SUCLG2: variants seen among roughly 807,000 people sequenced by gnomAD.
The protein encoded by SUCLG2 is succinate-CoA ligase GDP-forming subunit beta, also known as succinate--CoA ligase [GDP-forming] subunit beta, mitochondrial.
SUCLG2 carries 42 observed loss-of-function variants against 47.9 expected under a neutral mutation model. That is an observed-to-expected ratio of 0.88 (90% confidence interval 0.69 to 1.14). SUCLG2 has a LOEUF of 1.14. Among genes scored for constraint, SUCLG2 ranks in the 50% most tolerant of loss-of-function variants. The pLI is 0.00. For missense variants in SUCLG2, 571 were observed against 525.9 expected, an observed-to-expected ratio of 1.09 and a Z score of -0.84; for synonymous variants, 195 against 197.3, an observed-to-expected ratio of 0.99 and a Z score of 0.10.
chr3:67,532,385 C>T (rs1706426972), intron 2 of SUCLG2, among the ~76,000 whole-genome samples: 1 of 152,136 alleles, frequency 6.6e-6, no homozygotes, highest in African/African-American at 2.4e-5. Flanking sequence ...ATCTGCCCAC[C>T]TCAGCCTCCC....
chr3:67,397,992 T>G (rs1423951452), intron 10 of SUCLG2, among the ~76,000 whole-genome samples: 2 of 150,382 alleles, frequency 1.3e-5, no homozygotes, highest in Non-Finnish European at 3.0e-5. Context: ...ACTGGATCCC[T>G]TCCTTACACC....
Position 67,588,217 on chromosome 3 carries a change from A to G in SUCLG2, c.226+21238T>C, listed in dbSNP as rs149514641. Among the ~76,000 whole-genome samples, 1,056 of 152,330 alleles carry G rather than the reference A, an allele frequency of 6.9e-3. 5 individuals carry two copies. Among genetic ancestry groups the G allele is most frequent in the African/African-American group, 0.024 (1,004 of 41,564 alleles). ...ATAGTAAAATGAAAATCATTATAAT[A>G]AATAAGAACTAAAATTGGTCTTTGT... On this transcript the variant is annotated intron_variant, in intron 2 of 10. Coordinates refer to ENST00000307227, the MANE Select transcript of SUCLG2 (RefSeq NM_003848.4).
chr3:67,521,096 G>C (rs1168401535), intron 4 of SUCLG2, among the ~76,000 whole-genome samples: 1 of 152,150 alleles, frequency 6.6e-6, no homozygotes, highest in Non-Finnish European at 1.5e-5. Context: ...GTGTATTTCT[G>C]TCTCTTCGAT....
intron 9 of SUCLG2, among the ~76,000 whole-genome samples, chr3:67,448,925 C>A (rs764637089): frequency 6.6e-6 from 1 of 151,850 alleles, no homozygotes; most frequent in African/African-American, 2.4e-5. Flanking sequence ...TTTTGAATTC[C>A]ATTGAGATAG....
intron 9 of SUCLG2, among the ~76,000 whole-genome samples, chr3:67,444,016 G>A (rs1703850141): frequency 2.4e-5 from 3 of 125,188 alleles, no homozygotes; most frequent in Middle Eastern, 4.2e-3. Context: ...GAGGTGGGGG[G>A]GTCAGCCCCC....
At chr3:67,438,089 C>A (rs139410963) in intron 9 of SUCLG2, among the ~76,000 whole-genome samples, 1 of 152,124 alleles carries the variant, frequency 6.6e-6, no homozygotes, top group Admixed American at 6.5e-5. Context: ...CTCAAAACCA[C>A]GCAACTACGT....
chr3:67,452,097 A>G (rs1474709951), intron 9 of SUCLG2, among the ~76,000 whole-genome samples: 2 of 152,226 alleles, frequency 1.3e-5, no homozygotes, highest in African/African-American at 4.8e-5. Flanking sequence ...ATAAAAAAAT[A>G]ACTTCTGGTG....
intron 9 of SUCLG2, among the ~76,000 whole-genome samples, chr3:67,475,142 A>G (rs1704716284): frequency 6.6e-6 from 1 of 152,214 alleles, no homozygotes; most frequent in Non-Finnish European, 1.5e-5. Context: ...TACCCTACAT[A>G]CAACTCAGAG....
intron 10 of SUCLG2, among the ~76,000 whole-genome samples, chr3:67,396,255 C>A (rs1262258610): frequency 2.0e-5 from 3 of 151,902 alleles, no homozygotes; most frequent in African/African-American, 7.2e-5. Context: ...AAAGGATCAA[C>A]AAAATTGATA....
chr3:67,582,996 T>C (rs1974109), intron 2 of SUCLG2, among the ~76,000 whole-genome samples: 60,159 of 151,980 alleles, frequency 0.4, 12,578 homozygotes, highest in East Asian at 0.68. Flanking sequence ...CTCAACTGTC[T>C]CAGGGTAGTG....
intron 2 of SUCLG2, among the ~76,000 whole-genome samples, chr3:67,553,123 C>T (rs760224538): frequency 1.9e-4 from 29 of 152,250 alleles, no homozygotes; most frequent in Non-Finnish European, 3.7e-4. Flanking sequence ...ATCTTGCTGC[C>T]CAGGGCATCG....
chr3:67,591,729 A>G (rs1708172172), intron 2 of SUCLG2, among the ~76,000 whole-genome samples: 1 of 152,206 alleles, frequency 6.6e-6, no homozygotes, highest in Non-Finnish European at 1.5e-5. Context: ...CATCAGCAGC[A>G]TAAAAACGGA....
At chr3:67,431,595 G>T (rs1041340113) in intron 9 of SUCLG2, among the ~76,000 whole-genome samples, 1 of 152,120 alleles carries the variant, frequency 6.6e-6, no homozygotes, top group African/African-American at 2.4e-5. Flanking sequence ...GTAGGGACAT[G>T]GATGAAGCTG....
intron 10 of SUCLG2, among the ~76,000 whole-genome samples, chr3:67,361,383 C>A (rs1484667588): frequency 6.6e-6 from 1 of 152,128 alleles, no homozygotes; most frequent in Non-Finnish European, 1.5e-5. Context: ...AGTCTAGCAG[C>A]ATGAGAAGGG....
chr3:67,404,643 G>A (rs923896209), intron 9 of SUCLG2, among the ~76,000 whole-genome samples: 4 of 152,046 alleles, frequency 2.6e-5, no homozygotes, highest in African/African-American at 9.7e-5. Context: ...CTCAACCAGA[G>A]ATTATGCCAT....
intron 10 of SUCLG2, among the ~76,000 whole-genome samples, chr3:67,381,767 A>C (rs947289743): frequency 1.2e-4 from 18 of 152,196 alleles, no homozygotes; most frequent in African/African-American, 4.3e-4. Context: ...TTAAAATGAA[A>C]TCTTGCTCTA....
intron 1 of SUCLG2, among the ~76,000 whole-genome samples, chr3:67,631,172 C>T (rs972588535): frequency 1.2e-4 from 19 of 152,160 alleles, no homozygotes; most frequent in Admixed American, 9.8e-4. Context: ...TATGTGAAGA[C>T]ATTTGCTTTA....
At position 67,563,494 on chromosome 3, in the gene SUCLG2, C is replaced by G. The variant is rs748469007; in HGVS notation, c.227-34308G>C. On this transcript the variant is annotated intron_variant, in intron 2 of 10. Transcript: ENST00000307227. Reference sequence around the variant, plus strand: ...GTCCATAAACTAGAACACCATGAAGCGTTTGAAAAGAATGAAGCTGTTCCC... The same window carrying G: ...GTCCATAAACTAGAACACCATGAAGGGTTTGAAAAGAATGAAGCTGTTCCC... 2.6e-5 allele frequency among the ~76,000 whole-genome samples: 4 copies of G among 152,158 alleles called. No individual in the cohort carries two copies. In the East Asian group the frequency reaches 5.8e-4, roughly 22 times the overall value.
intron 6 of SUCLG2, chr3:67,514,249 A>G: frequency 2.4e-6 from 1 of 418,794 alleles, no homozygotes; most frequent in Non-Finnish European, 4.8e-6. Context: ...TGATGTATTC[A>G]AAACTGACAG....
Sources: gnomAD v4.1 joint callset for allele counts (sites outside exome capture counted in the v4.1 genomes callset) on GRCh38, gnomAD v4.1.1 for gene constraint, MANE v1.5 for transcripts, NCBI Gene and HGNC (gene_info 2026-07-23, HGNC 2026-07-21) for gene names.